Variants in AFF1 observed in about 807,000 individuals in gnomAD.
The protein encoded by AFF1 is AF4/FMR2 family member 1.
In AFF1, 48 loss-of-function variants were observed where a neutral mutation model predicts 121.7. That is an observed-to-expected ratio of 0.39 (90% CI 0.31 to 0.50). The LOEUF (loss-of-function observed/expected upper bound fraction) is 0.50. Ranked by LOEUF, AFF1 falls within the 20% of genes least tolerant of loss-of-function variation. The probability of loss-of-function intolerance (pLI) is 0.76; values close to 1 mark genes in which losing one functional copy is unlikely to be tolerated. For synonymous variants in AFF1, 613 were observed against 563.0 expected (o/e 1.09, Z -1.26); for missense variants, 1,523 against 1,511.7 (o/e 1.01, Z -0.12).
intron 1 of AFF1, among the ~76,000 whole-genome samples, chr4:86,938,643 G>C (rs1720226311): frequency 6.6e-6 from 1 of 152,050 alleles, no homozygotes; most frequent in Admixed American, 6.6e-5. Context: ...TTGGATCTTA[G>C]ATTTTAAAAT....
At chr4:87,124,987 C>A (rs373092243) in intron 12 of AFF1, 50 bp from the exon 13 acceptor site, 20 of 1,436,576 alleles carry the variant, frequency 1.4e-5, no homozygotes, top group Non-Finnish European at 3.7e-6. Context: ...TCTGTTTTGT[C>A]TGTACAATTA....
intron 11 of AFF1, among the ~76,000 whole-genome samples, chr4:87,110,647 T>G (rs936689446): frequency 6.6e-6 from 1 of 152,160 alleles, no homozygotes; most frequent in East Asian, 1.9e-4. Flanking sequence ...TAAAAAAAAA[T>G]TTTGCACTCA....
intron 2 of AFF1, among the ~76,000 whole-genome samples, chr4:86,997,033 T>C (rs1397193136): frequency 6.6e-6 from 1 of 152,208 alleles, no homozygotes; most frequent in Non-Finnish European, 1.5e-5. Context: ...TGCCTCAGCC[T>C]CTCAAGTAGC....
At chr4:86,955,696 G>A (rs544530733) in intron 2 of AFF1, among the ~76,000 whole-genome samples, 1 of 152,240 alleles carries the variant, frequency 6.6e-6, no homozygotes, top group African/African-American at 2.4e-5. Context: ...GTCATTTCAG[G>A]CTATACCACC....
intron 16 of AFF1, among the ~76,000 whole-genome samples, chr4:87,130,575 A>G (rs1369912387): frequency 6.6e-6 from 1 of 152,258 alleles, no homozygotes; most frequent in African/African-American, 2.4e-5. Context: ...TGTGCACTAA[A>G]GCAGATGTCA....
intron 2 of AFF1, chr4:87,007,455 C>T (rs982299739): frequency 2.5e-6 from 4 of 1,613,900 alleles, no homozygotes; most frequent in Non-Finnish European, 3.4e-6. Context: ...ACTTTTCAAA[C>T]GCGTTCGTGG....
intron 1 of AFF1, among the ~76,000 whole-genome samples, chr4:86,941,042 C>T (rs1320439980): frequency 2.6e-5 from 4 of 151,584 alleles, no homozygotes; most frequent in East Asian, 2.0e-4. Flanking sequence ...GAGCAGTGAT[C>T]GAGATTGTGC....
chr4:87,135,900 TGAG>T lies in AFF1; in HGVS notation c.*204_*206del. 4.8e-6 allele frequency: 4 copies of T among 826,590 alleles called. No homozygotes were observed. The highest frequency in any genetic ancestry group is 5.1e-6 in the Non-Finnish European group (3 of 591,194). The allele number at this position is 826,590 out of a possible 1,614,324, so 51.2% of individuals were successfully genotyped here. A position where few individuals can be genotyped will look rare whatever the true frequency, so the allele number is the denominator to read the frequency against. On this transcript the variant is annotated 3_prime_UTR_variant, in exon 21 of 21. Coordinates refer to ENST00000395146, the MANE Select transcript of AFF1 (RefSeq NM_001166693.3). ...CACTGTGGTTATGCAGAAGCAGAGA[TGAG>T]GAGGCTGGCCCCAGAGATGATCTTG...
intron 12 of AFF1, among the ~76,000 whole-genome samples, chr4:87,119,496 A>G (rs1189461356): frequency 6.6e-6 from 1 of 152,154 alleles, no homozygotes; most frequent in Non-Finnish European, 1.5e-5. Flanking sequence ...ACTTGAGCCC[A>G]GGAGTTAAAG....
intron 2 of AFF1, among the ~76,000 whole-genome samples, chr4:87,023,587 G>A (rs1413147515): frequency 6.6e-6 from 1 of 152,220 alleles, no homozygotes; most frequent in Non-Finnish European, 1.5e-5. Flanking sequence ...ATTAAAAAAA[G>A]TGTAGATAGT....
Position 87,137,972 on chromosome 4 carries a change from G to C in AFF1, c.*2271G>C, listed in dbSNP as rs958739205. On this transcript the variant is annotated 3_prime_UTR_variant, in exon 21 of 21. Transcript: ENST00000395146. ...CCTTGACTGAAGACATTTCCAGGTA[G>C]ATTTCTCAGCCAGCTCTAAAACAGA... 4.3e-6 allele frequency: 1 copy of C among 229,956 alleles called. No homozygotes were observed. The highest frequency in any genetic ancestry group is 8.6e-6 in the Non-Finnish European group (1 of 116,526). The allele number at this position is 229,956 out of a possible 1,614,324, so 14.2% of individuals were successfully genotyped here. A position where few individuals can be genotyped will look rare whatever the true frequency, so the allele number is the denominator to read the frequency against.
chr4:86,983,030 A>C (rs1723902706), intron 2 of AFF1, among the ~76,000 whole-genome samples: 3 of 152,092 alleles, frequency 2.0e-5, no homozygotes. Context: ...TCTGTTGTTT[A>C]TAAGCAAGCC....
intron 2 of AFF1, among the ~76,000 whole-genome samples, chr4:87,038,571 A>C (rs1729791101): frequency 6.6e-6 from 1 of 152,222 alleles, no homozygotes. Flanking sequence ...AAAGTCACTT[A>C]CATGGTGTGG....
chr4:87,106,602 G>T (rs1725937415), intron 10 of AFF1, among the ~76,000 whole-genome samples: 1 of 152,122 alleles, frequency 6.6e-6, no homozygotes. Flanking sequence ...AAAATGACCA[G>T]CAGTACATTT....
chr4:87,063,392 C>T (rs1284361916), intron 4 of AFF1, among the ~76,000 whole-genome samples: 1 of 151,802 alleles, frequency 6.6e-6, no homozygotes, highest in Non-Finnish European at 1.5e-5. Context: ...AAGCATGCAC[C>T]ACCAATCCTG....
chr4:86,970,611 T>TG (rs550205855), intron 2 of AFF1, among the ~76,000 whole-genome samples: 490 of 152,256 alleles, frequency 3.2e-3, no homozygotes, highest in African/African-American at 0.011. Flanking sequence ...GTATTATAGA[T>TG]GAAAAATAAA....
At chr4:87,048,833 A>G (rs1196859548) in intron 4 of AFF1, among the ~76,000 whole-genome samples, 4 of 152,204 alleles carry the variant, frequency 2.6e-5, no homozygotes, top group Non-Finnish European at 5.9e-5. Context: ...CCAATGGCAG[A>G]AATGACCAAG....
intron 12 of AFF1, among the ~76,000 whole-genome samples, chr4:87,123,174 A>G (rs1310172888): frequency 2.0e-5 from 3 of 152,188 alleles, no homozygotes; most frequent in East Asian, 1.9e-4. Context: ...GATTACAGGC[A>G]TGAGCCACCG....
intron 2 of AFF1, chr4:87,020,661 T>C (rs1727807696): frequency 2.8e-6 from 1 of 355,256 alleles, no homozygotes; most frequent in Non-Finnish European, 3.9e-6. Context: ...ATTTTTTGTA[T>C]TTTTAGTGGA....
Sources: gnomAD v4.1 joint callset for allele counts (sites outside exome capture counted in the v4.1 genomes callset) on GRCh38, gnomAD v4.1.1 for gene constraint, MANE v1.5 for transcripts, NCBI Gene and HGNC (gene_info 2026-07-23, HGNC 2026-07-21) for gene names.